The following CTNNA3 variants were observed in gnomAD, a reference collection of about 807,000 sequenced individuals.
The protein encoded by CTNNA3 is catenin alpha 3.
A neutral mutation model predicts 95.7 loss-of-function variants in CTNNA3; 76 were observed. The ratio of observed to expected loss-of-function variants is 0.79; its 90% confidence interval spans 0.66 to 0.96. CTNNA3 has a LOEUF of 0.96. Ranked by LOEUF, CTNNA3 falls within the 40% of genes least tolerant of loss-of-function variation. CTNNA3 has a pLI of 0.00. For synonymous variants in CTNNA3, 431 were observed against 374.4 expected (o/e 1.15, Z -1.74); for missense variants, 1,191 against 1,089.8 (o/e 1.09, Z -1.31).
intron 9 of CTNNA3, among the ~76,000 whole-genome samples, chr10:66,627,617 G>T (rs1564578144): frequency 6.6e-6 from 1 of 152,066 alleles, no homozygotes; most frequent in Non-Finnish European, 1.5e-5. Flanking sequence ...TTGAAAGCTG[G>T]TAATGTATAA....
At chr10:66,186,021 C>G (rs2086324886) in intron 13 of CTNNA3, among the ~76,000 whole-genome samples, 1 of 151,440 alleles carries the variant, frequency 6.6e-6, no homozygotes, top group Non-Finnish European at 1.5e-5. Context: ...TCAATGGATA[C>G]AAAGTTATAG....
chr10:66,356,962 C>T (rs1012136842), intron 12 of CTNNA3, among the ~76,000 whole-genome samples: 1 of 151,862 alleles, frequency 6.6e-6, no homozygotes, highest in Admixed American at 6.6e-5. Context: ...ATAAACTATA[C>T]TTGGTTATAC....
chr10:66,227,804 G>C (rs749918835), intron 13 of CTNNA3, among the ~76,000 whole-genome samples: 1 of 152,022 alleles, frequency 6.6e-6, no homozygotes, highest in Non-Finnish European at 1.5e-5. Context: ...CCTAGGCTTT[G>C]TGCTGTTGTT....
chr10:66,043,391 C>G (rs1289438176), intron 15 of CTNNA3, among the ~76,000 whole-genome samples: 2 of 152,112 alleles, frequency 1.3e-5, no homozygotes, highest in Non-Finnish European at 2.9e-5. Flanking sequence ...TGTGGAGTTA[C>G]TCATGTCTTT....
chr10:67,432,864 C>A (rs1846158918), intron 5 of CTNNA3, among the ~76,000 whole-genome samples: 1 of 152,064 alleles, frequency 6.6e-6, no homozygotes, highest in African/African-American at 2.4e-5. Flanking sequence ...TGCAATGTTT[C>A]TGTCTGATTT....
At chr10:67,704,200 C>T (rs1324032038) in intron 1 of CTNNA3, among the ~76,000 whole-genome samples, 1 of 152,152 alleles carries the variant, frequency 6.6e-6, no homozygotes, top group African/African-American at 2.4e-5. Flanking sequence ...GGCCATACTG[C>T]CCAAGGTAAT....
intron 15 of CTNNA3, among the ~76,000 whole-genome samples, chr10:66,016,499 T>C (rs888254641): frequency 2.6e-5 from 4 of 152,202 alleles, no homozygotes; most frequent in African/African-American, 9.6e-5. Context: ...ATTAAGCACC[T>C]GTATTTTAGG....
chr10:66,646,782 G>A (rs1158930112), intron 9 of CTNNA3, among the ~76,000 whole-genome samples: 2 of 152,124 alleles, frequency 1.3e-5, no homozygotes, highest in African/African-American at 2.4e-5. Context: ...GCAGTCACAA[G>A]AGGAGTGCTC....
intron 17 of CTNNA3, among the ~76,000 whole-genome samples, chr10:65,923,028 T>C (rs142069435): frequency 6.6e-6 from 1 of 152,172 alleles, no homozygotes; most frequent in Non-Finnish European, 1.5e-5. Flanking sequence ...ACTGCCTCCA[T>C]GATCCAGTCA....
At chr10:67,082,505 T>C (rs1857103083) in intron 7 of CTNNA3, among the ~76,000 whole-genome samples, 1 of 152,176 alleles carries the variant, frequency 6.6e-6, no homozygotes, top group Non-Finnish European at 1.5e-5. Context: ...CCATAATCTC[T>C]AGAAATGCAT....
At chr10:66,777,823 T>A (rs1233254860) in intron 7 of CTNNA3, among the ~76,000 whole-genome samples, 1 of 121,448 alleles carries the variant, frequency 8.2e-6, no homozygotes, top group African/African-American at 2.9e-5. Context: ...ACACACACAG[T>A]ATCAGGAATA....
intron 13 of CTNNA3, among the ~76,000 whole-genome samples, chr10:66,139,959 C>T (rs1035923470): frequency 6.6e-6 from 1 of 152,146 alleles, no homozygotes; most frequent in Admixed American, 6.5e-5. Flanking sequence ...GCAATGGGGG[C>T]TTTTGTGGTT....
At chr10:66,165,767 T>TTTA (rs143509860) in intron 13 of CTNNA3, among the ~76,000 whole-genome samples, 23,425 of 151,328 alleles carry the variant, frequency 0.15, 2,202 homozygotes, top group Middle Eastern at 0.22. Context: ...ATTTATTTAT[T>TTTA]TTATTATTAT....
intron 7 of CTNNA3, among the ~76,000 whole-genome samples, chr10:66,841,681 A>G (rs1843069586): frequency 6.6e-6 from 1 of 152,220 alleles, no homozygotes; most frequent in African/African-American, 2.4e-5. Context: ...TTGTTGAATC[A>G]AAGCATTCTC....
At chr10:66,203,293 G>T (rs1045721117) in intron 13 of CTNNA3, among the ~76,000 whole-genome samples, 1 of 152,088 alleles carries the variant, frequency 6.6e-6, no homozygotes, top group Non-Finnish European at 1.5e-5. Context: ...AAGACTAAAT[G>T]AATTTCATTA....
chr10:66,693,325 A>G (rs1456682618), intron 9 of CTNNA3, among the ~76,000 whole-genome samples: 1 of 145,006 alleles, frequency 6.9e-6, no homozygotes, highest in East Asian at 2.2e-4. Context: ...TCTCTGATAA[A>G]ACAGACTTGA....
chr10:67,685,589 T>G (rs1840715454), intron 1 of CTNNA3, among the ~76,000 whole-genome samples: 1 of 152,248 alleles, frequency 6.6e-6, no homozygotes, highest in African/African-American at 2.4e-5. Context: ...GGCTATGGGT[T>G]GTCAGTGGCC....
intron 13 of CTNNA3, among the ~76,000 whole-genome samples, chr10:66,178,123 A>G (rs1414793427): frequency 7.9e-5 from 12 of 151,504 alleles, no homozygotes; most frequent in Admixed American, 4.6e-4. Flanking sequence ...CCTTTTTTCA[A>G]CTTTTCCAGT....
At chr10:66,464,852 A>G (rs1838840561) in intron 11 of CTNNA3, among the ~76,000 whole-genome samples, 2 of 152,114 alleles carry the variant, frequency 1.3e-5, no homozygotes, top group Non-Finnish European at 2.9e-5. Flanking sequence ...ATTGGAATGG[A>G]GAATTTTTCT....
Sources: allele counts gnomAD v4.1 joint callset (sites outside exome capture counted in the v4.1 genomes callset), GRCh38; gene constraint gnomAD v4.1.1; transcripts MANE v1.5; gene names NCBI Gene and HGNC (gene_info 2026-07-23, HGNC 2026-07-21).